MAGI2: variants seen among roughly 807,000 people sequenced by gnomAD.
The protein encoded by MAGI2 is membrane associated guanylate kinase, WW and PDZ domain containing 2, also known as membrane-associated guanylate kinase, WW and PDZ domain-containing protein 2.
A neutral mutation model predicts 133.3 loss-of-function variants in MAGI2; 35 were observed. The observed-to-expected ratio is 0.26, with a 90% CI of 0.20 to 0.35. The LOEUF is 0.35. MAGI2 is among the 10% of genes least tolerant of loss of function. The pLI, the probability that MAGI2 is intolerant of heterozygous loss-of-function variation, is 1.00. For missense variants in MAGI2, 1,636 were observed against 1,863.4 expected (o/e 0.88, Z 2.25); for synonymous variants, 729 against 710.6 (o/e 1.03, Z -0.41).
intron 3 of MAGI2, among the ~76,000 whole-genome samples, chr7:78,589,643 T>C (rs74507976): frequency 0.013 from 1,971 of 152,238 alleles, 38 homozygotes; most frequent in African/African-American, 0.045. Flanking sequence ...CTACACTTGA[T>C]CTTAGCCAAA....
At chr7:79,204,359 G>A (rs1170059375) in intron 1 of MAGI2, among the ~76,000 whole-genome samples, 6 of 152,034 alleles carry the variant, frequency 3.9e-5, no homozygotes, top group Non-Finnish European at 8.8e-5. Flanking sequence ...CGGCCTCAGT[G>A]GGCCTGGGCT....
intron 6 of MAGI2, among the ~76,000 whole-genome samples, chr7:78,479,040 TG>T (rs1283507202): frequency 6.6e-6 from 1 of 151,906 alleles, no homozygotes; most frequent in African/African-American, 2.4e-5. Context: ...GTGTCCATAG[TG>T]GCAGCTGGAA....
intron 1 of MAGI2, among the ~76,000 whole-genome samples, chr7:79,021,987 T>C (rs1263911913): frequency 1.3e-5 from 2 of 152,152 alleles, no homozygotes; most frequent in Non-Finnish European, 2.9e-5. Flanking sequence ...TCTGATGGCT[T>C]CATAAGGGTT....
chr7:79,404,649 C>T (rs1845686713), intron 1 of MAGI2, among the ~76,000 whole-genome samples: 1 of 152,150 alleles, frequency 6.6e-6, no homozygotes. Context: ...CCAGACCACC[C>T]TTAGACCCAG....
intron 1 of MAGI2, among the ~76,000 whole-genome samples, chr7:79,376,636 C>T (rs1843397336): frequency 6.6e-6 from 1 of 151,862 alleles, no homozygotes; most frequent in African/African-American, 2.4e-5. Context: ...TGATCCACAA[C>T]CTAGGTGGAA....
At chr7:78,577,687 TG>T (rs1008945002) in intron 3 of MAGI2, among the ~76,000 whole-genome samples, 7 of 137,930 alleles carry the variant, frequency 5.1e-5, no homozygotes, top group Admixed American at 1.5e-4. Context: ...AGGTACTCAG[TG>T]GGGGAGCTTT....
At chr7:78,518,176 G>A (rs1796198231) in intron 4 of MAGI2, 1 of 152,130 alleles carries the variant, frequency 6.6e-6, no homozygotes, top group African/African-American at 2.4e-5. Flanking sequence ...AAGGATGTAA[G>A]TTCACTGTAC....
chr7:79,124,075 G>A (rs1346215062), intron 1 of MAGI2, among the ~76,000 whole-genome samples: 2 of 151,886 alleles, frequency 1.3e-5, no homozygotes, highest in African/African-American at 2.4e-5. Context: ...GTTAGCATGA[G>A]GGCATTTGTT....
At chr7:78,215,410 T>A (rs946515226) in intron 10 of MAGI2, among the ~76,000 whole-genome samples, 1 of 152,180 alleles carries the variant, frequency 6.6e-6, no homozygotes, top group Non-Finnish European at 1.5e-5. Context: ...GCTAGAAGCA[T>A]CCCAGCCATC....
intron 1 of MAGI2, among the ~76,000 whole-genome samples, chr7:79,417,983 A>G (rs1846658201): frequency 6.6e-6 from 1 of 152,104 alleles, no homozygotes; most frequent in Admixed American, 6.6e-5. Context: ...ATTCCAATCA[A>G]TTTACCTCAC....
intron 21 of MAGI2, among the ~76,000 whole-genome samples, chr7:78,058,979 C>A (rs1778242976): frequency 6.6e-6 from 1 of 152,188 alleles, no homozygotes; most frequent in African/African-American, 2.4e-5. Flanking sequence ...TTTATACCAT[C>A]ATTCAGCAGG....
At chr7:78,154,057 G>A (rs1441481384) in intron 16 of MAGI2, among the ~76,000 whole-genome samples, 1 of 152,090 alleles carries the variant, frequency 6.6e-6, no homozygotes, top group Non-Finnish European at 1.5e-5. Context: ...AGTTTTGGTG[G>A]GGGAAATCCT....
At chr7:78,995,839 T>TGATC (rs1315152785) in intron 2 of MAGI2, among the ~76,000 whole-genome samples, 7 of 152,260 alleles carry the variant, frequency 4.6e-5, no homozygotes, top group African/African-American at 1.7e-4. Context: ...ACTGGAAGCC[T>TGATC]GATCCACCTG....
At chr7:78,193,981 A>G (rs1828478716) in intron 12 of MAGI2, among the ~76,000 whole-genome samples, 1 of 152,240 alleles carries the variant, frequency 6.6e-6, no homozygotes, top group Non-Finnish European at 1.5e-5. Flanking sequence ...CTCTGAGATC[A>G]CACACAATTT....
intron 3 of MAGI2, among the ~76,000 whole-genome samples, chr7:78,564,857 G>T (rs1412013339): frequency 7.3e-6 from 1 of 137,162 alleles, no homozygotes; most frequent in Non-Finnish European, 1.5e-5. Context: ...GCAGTGGCAG[G>T]ATCTCTGCTC....
intron 9 of MAGI2, among the ~76,000 whole-genome samples, chr7:78,312,030 A>G (rs1027845166): frequency 9.9e-5 from 15 of 152,110 alleles, no homozygotes; most frequent in African/African-American, 3.6e-4. Context: ...CGGCCTCCCA[A>G]AGTGCTGGGA....
At chr7:78,746,626 A>G (rs758892915) in intron 2 of MAGI2, among the ~76,000 whole-genome samples, 6 of 152,186 alleles carry the variant, frequency 3.9e-5, no homozygotes, top group Non-Finnish European at 8.8e-5. Context: ...CAGCCAACCA[A>G]CCTACATTTC....
At chr7:78,440,757 G>T (rs1787535208) in intron 6 of MAGI2, among the ~76,000 whole-genome samples, 1 of 151,808 alleles carries the variant, frequency 6.6e-6, no homozygotes, top group Admixed American at 6.6e-5. Flanking sequence ...TTTGAGACCA[G>T]CCTGGCCAAC....
chr7:78,835,066 G>A (rs1204011016), intron 2 of MAGI2, among the ~76,000 whole-genome samples: 1 of 152,162 alleles, frequency 6.6e-6, no homozygotes, highest in Admixed American at 6.5e-5. Flanking sequence ...TTACAGCAGT[G>A]CAGGAGCAGT....
Sources: allele counts gnomAD v4.1 joint callset (sites outside exome capture counted in the v4.1 genomes callset), GRCh38; gene constraint gnomAD v4.1.1; transcripts MANE v1.5; gene names NCBI Gene and HGNC (gene_info 2026-07-23, HGNC 2026-07-21).